Variants in EDIL3 observed in about 807,000 individuals in gnomAD.
EDIL3 encodes the protein EGF like and discoidin domains 3, also known as EGF-like repeat and discoidin I-like domain-containing protein 3.
EDIL3 carries 37 observed loss-of-function variants against 67.4 expected under a neutral mutation model. That is an observed-to-expected ratio of 0.55 (90% CI 0.42 to 0.72). EDIL3 has a LOEUF of 0.72. Among genes scored for constraint, EDIL3 ranks in the 30% least tolerant of loss-of-function variants. The pLI is 0.00. For missense variants in EDIL3, 527 were observed against 586.3 expected, an observed-to-expected ratio of 0.90 and a Z score of 1.04; for synonymous variants, 195 against 196.3, an observed-to-expected ratio of 0.99 and a Z score of 0.05.
At chr5:84,055,964 A>T (rs939755807) in intron 9 of EDIL3, among the ~76,000 whole-genome samples, 1 of 152,236 alleles carries the variant, frequency 6.6e-6, no homozygotes, top group Non-Finnish European at 1.5e-5. Flanking sequence ...TACTGGATAT[A>T]TACCCAAAGG....
chr5:84,304,002 T>G (rs1746216751), intron 1 of EDIL3, among the ~76,000 whole-genome samples: 1 of 152,086 alleles, frequency 6.6e-6, no homozygotes, highest in Admixed American at 6.5e-5. Context: ...CCATATAAAT[T>G]TATAATATTA....
intron 9 of EDIL3, chr5:84,048,228 T>G (rs1383703071): frequency 2.3e-6 from 1 of 434,418 alleles, no homozygotes; most frequent in Non-Finnish European, 4.6e-6. Flanking sequence ...ATGTTTCCAG[T>G]GGCCTGGTGG....
intron 3 of EDIL3, among the ~76,000 whole-genome samples, chr5:84,211,905 T>G (rs1348190865): frequency 6.6e-6 from 1 of 152,208 alleles, no homozygotes; most frequent in Non-Finnish European, 1.5e-5. Context: ...GAAATGTGAC[T>G]GACATGACTG....
chr5:84,117,252 G>C (rs972878743), intron 5 of EDIL3, among the ~76,000 whole-genome samples: 2 of 151,636 alleles, frequency 1.3e-5, no homozygotes, highest in African/African-American at 2.4e-5. Context: ...GGATGGTCTC[G>C]ATCTCCTGAC....
intron 1 of EDIL3, among the ~76,000 whole-genome samples, chr5:84,338,081 T>C (rs1747025899): frequency 6.6e-6 from 1 of 152,178 alleles, no homozygotes; most frequent in South Asian, 2.1e-4. Flanking sequence ...ACTTTAGATT[T>C]ATGCTATTTT....
intron 1 of EDIL3, among the ~76,000 whole-genome samples, chr5:84,271,984 T>C (rs946384721): frequency 1.3e-5 from 2 of 152,168 alleles, no homozygotes; most frequent in Non-Finnish European, 2.9e-5. Context: ...AAAAGTTTTG[T>C]TTTGTTCTTT....
chr5:84,025,180 T>C (rs1282992819), intron 9 of EDIL3, among the ~76,000 whole-genome samples: 1 of 152,154 alleles, frequency 6.6e-6, no homozygotes, highest in Non-Finnish European at 1.5e-5. Flanking sequence ...AAACATCAGC[T>C]TCTTTCTCTA....
chr5:84,366,169 C>G (rs1355985741), intron 1 of EDIL3, among the ~76,000 whole-genome samples: 1 of 151,984 alleles, frequency 6.6e-6, no homozygotes, highest in Non-Finnish European at 1.5e-5. Context: ...AGTTTATTAA[C>G]CAATTATTTT....
intron 10 of EDIL3, among the ~76,000 whole-genome samples, chr5:83,959,860 A>G (rs945500329): frequency 2.0e-5 from 3 of 151,028 alleles, no homozygotes; most frequent in African/African-American, 7.3e-5. Context: ...TATCAAAAAC[A>G]TATTTCATTG....
intron 1 of EDIL3, among the ~76,000 whole-genome samples, chr5:84,263,141 A>G (rs1745269198): frequency 6.6e-6 from 1 of 152,162 alleles, no homozygotes; most frequent in South Asian, 2.1e-4. Flanking sequence ...AAAAGACACA[A>G]ATAAGTTGAT....
intron 4 of EDIL3, among the ~76,000 whole-genome samples, chr5:84,172,424 A>T (rs898143970): frequency 1.3e-5 from 2 of 152,022 alleles, no homozygotes; most frequent in African/African-American, 4.8e-5. Flanking sequence ...TATATAAAAA[A>T]TACAAAAATT....
intron 3 of EDIL3, among the ~76,000 whole-genome samples, chr5:84,189,019 T>C (rs1184268606): frequency 1.3e-5 from 2 of 152,100 alleles, no homozygotes; most frequent in East Asian, 3.9e-4. Context: ...TTATGGTTCC[T>C]GTGTAGTTGT....
intron 9 of EDIL3, among the ~76,000 whole-genome samples, chr5:84,026,779 A>G (rs1187243087): frequency 6.6e-6 from 1 of 152,178 alleles, no homozygotes; most frequent in East Asian, 1.9e-4. Context: ...TAAACAGAAA[A>G]ACCACGCCTT....
At chr5:83,946,096 T>C (rs1744303028) in intron 10 of EDIL3, among the ~76,000 whole-genome samples, 1 of 151,972 alleles carries the variant, frequency 6.6e-6, no homozygotes, top group Non-Finnish European at 1.5e-5. Flanking sequence ...GTTAACTTCA[T>C]AAAATCTCTA....
rs1232223665 is a variant in EDIL3 at position 83,940,955 on chromosome 5, A to G, written c.*2464T>C. Reference sequence around the variant, plus strand: ...GATGTAGATATAATGGAGATGTTTAAAAGTTTAGTTTCATTAATTGTAAAA... The same window carrying G: ...GATGTAGATATAATGGAGATGTTTAGAAGTTTAGTTTCATTAATTGTAAAA... On this transcript the variant is annotated 3_prime_UTR_variant, in exon 11 of 11. Transcript: ENST00000296591. The G allele has an allele frequency of 6.6e-6, 1 of 152,038 alleles. No individual in the cohort carries two copies. Among genetic ancestry groups the G allele is most frequent in the Non-Finnish European group, 1.5e-5 (1 of 67,920 alleles). 9.4% of individuals were successfully genotyped at this position (152,038 alleles called of 1,614,324 possible). A position where few individuals can be genotyped will look rare whatever the true frequency, so the allele number is the denominator to read the frequency against.
At chr5:84,028,649 G>A (rs957777380) in intron 9 of EDIL3, among the ~76,000 whole-genome samples, 1 of 151,900 alleles carries the variant, frequency 6.6e-6, no homozygotes, top group African/African-American at 2.4e-5. Flanking sequence ...AAAGTCCAAA[G>A]TTTTCTGATA....
chr5:83,959,213 A>G (rs1407245151), intron 10 of EDIL3, among the ~76,000 whole-genome samples: 1 of 147,760 alleles, frequency 6.8e-6, no homozygotes, highest in African/African-American at 2.5e-5. Flanking sequence ...ATATATATAC[A>G]TTATATACAT....
chr5:83,992,949 AT>A (rs1033573182), intron 9 of EDIL3, among the ~76,000 whole-genome samples: 1 of 151,984 alleles, frequency 6.6e-6, no homozygotes, highest in Admixed American at 6.6e-5. Flanking sequence ...AATGTTTTAA[AT>A]TTTTGGTTCA....
intron 1 of EDIL3, among the ~76,000 whole-genome samples, chr5:84,347,863 C>T (rs1747266103): frequency 6.6e-6 from 1 of 152,022 alleles, no homozygotes; most frequent in Non-Finnish European, 1.5e-5. Context: ...TTTTTGCCTG[C>T]ATCCATATTA....
Sources: gnomAD v4.1 joint callset for allele counts (sites outside exome capture counted in the v4.1 genomes callset) on GRCh38, gnomAD v4.1.1 for gene constraint, MANE v1.5 for transcripts, NCBI Gene and HGNC (gene_info 2026-07-23, HGNC 2026-07-21) for gene names.